Variants in SOAT1 observed in about 807,000 individuals in gnomAD.
SOAT1 encodes the protein acyl-coenzyme A:cholesterol acyltransferase 1.
Under a neutral mutation model 69.5 loss-of-function variants are expected in SOAT1, and 55 were observed. The ratio of observed to expected loss-of-function variants is 0.79; its 90% CI spans 0.64 to 0.99. SOAT1 has a LOEUF of 0.99. SOAT1 is among the 50% of genes least tolerant of loss of function. SOAT1 has a pLI of 0.00. For missense variants in SOAT1, 580 were observed against 669.3 expected (o/e 0.87, Z 1.47); for synonymous variants, 231 against 224.7 (o/e 1.03, Z -0.25).
chr1:179,302,091 A>G (rs759504186), intron 1 of SOAT1, among the ~76,000 whole-genome samples: 7 of 147,390 alleles, frequency 4.7e-5, no homozygotes, highest in South Asian at 2.1e-4. Context: ...AGTGGGGTCT[A>G]TGTTTAAAAA....
At chr1:179,317,641 G>GTTT (rs34050254) in intron 2 of SOAT1, among the ~76,000 whole-genome samples, 1 of 142,848 alleles carries the variant, frequency 7.0e-6, no homozygotes, top group Non-Finnish European at 1.5e-5. Context: ...ATCATCATAG[G>GTTT]TTTTTTTTTT....
chr1:179,308,281 G>A (rs1423075163), intron 2 of SOAT1, among the ~76,000 whole-genome samples: 1 of 152,122 alleles, frequency 6.6e-6, no homozygotes, highest in Non-Finnish European at 1.5e-5. Flanking sequence ...GTGGTAATAA[G>A]GCAGATTATC....
rs960774514 is a variant in SOAT1 at position 179,301,400 on chromosome 1, C to T, written c.-8-1277C>T. Among the ~76,000 whole-genome samples the T allele has an allele frequency of 2.6e-5, 4 of 152,328 alleles. No individual in the cohort carries two copies. The East Asian group carries it at 7.7e-4, about 29-fold the overall frequency. The stretch of plus-strand genomic sequence containing the variant: ...TCCTTTCTAGTCTTTTCCCTCATCA[C>T]ATTTCTCCATTACCAACTATTTTCC... On this transcript the variant is annotated intron_variant, in intron 1 of 15. Transcript: ENST00000367619.
rs1011222616 is a variant in SOAT1, at chr1:179,343,687, A to G, written c.987+52A>G. 13 of 1,247,250 alleles carry G rather than the reference A, an allele frequency of 1.0e-5. No homozygotes were observed. In the African/African-American group the frequency reaches 1.8e-4, roughly 17 times the overall value. 77.3% of individuals were successfully genotyped at this position (1,247,250 alleles called of 1,614,324 possible). ...TGTTGATTAGGGGATGGGGATTCATATTTATGATAATAATATAATCTAGTT... is the reference window on the plus strand; with the variant it reads ...TGTTGATTAGGGGATGGGGATTCATGTTTATGATAATAATATAATCTAGTT... On this transcript the variant is annotated intron_variant, in intron 10 of 15. Transcript: ENST00000367619.
At chr1:179,323,336 A>C (rs1326791395) in intron 2 of SOAT1, 101 bp from the exon 3 acceptor site, 3 of 929,206 alleles carry the variant, frequency 3.2e-6, no homozygotes, top group Admixed American at 5.0e-5. Flanking sequence ...CAGTTTACGC[A>C]GTTACCTTTG....
Position 179,341,097 on chromosome 1 carries a change from G to T in SOAT1, c.567G>T (p.Trp189Cys), listed in dbSNP as rs771476003. The change falls in exon 7 of 16, where the codon TGG (tryptophan) becomes TGT (cysteine). Residue 189 changes from tryptophan to cysteine, a missense_variant. Coordinates refer to ENST00000367619, the MANE Select transcript of SOAT1 (RefSeq NM_003101.6). ...GKFPTVVWTW[W>C]IMFLSTFSVP... is the part of the protein sequence containing the mutation. The stretch of plus-strand genomic sequence containing the variant: ...TTCCTACCGTTGTTTGGACCTGGTG[G>T]ATCATGTTCCTGTCTACATTTTCAG... The T allele has an allele frequency of 2.0e-5, 32 of 1,614,020 alleles. No individual in the cohort carries two copies. The South Asian group carries it at 3.5e-4, about 18-fold the overall frequency.
rs992172817 is a variant in SOAT1 at position 179,343,501 on chromosome 1, G to T, written c.942-89G>T. The T allele has an allele frequency of 4.3e-6, 5 of 1,164,262 alleles. No individual in the cohort carries two copies. In the African/African-American group the frequency reaches 6.2e-5, roughly 14 times the overall value. The allele number at this position is 1,164,262 out of a possible 1,614,324, so 72.1% of individuals were successfully genotyped here. ...TTGGATTACAGGTGTGAGCCACCGCGCCTGACCAAAAAACATTAATTGTGA... is the reference window on the plus strand; with the variant it reads ...TTGGATTACAGGTGTGAGCCACCGCTCCTGACCAAAAAACATTAATTGTGA... On this transcript the variant is annotated intron_variant, in intron 9 of 15. Transcript: ENST00000367619.
At position 179,356,699 on chromosome 1, in the gene SOAT1, T is replaced by C. The variant is rs1347755311; in HGVS notation, c.*3058T>C. 4 of 151,924 alleles carry C rather than the reference T, an allele frequency of 2.6e-5. No homozygotes were observed. The highest frequency in any genetic ancestry group is 5.9e-5 in the Non-Finnish European group (4 of 68,044). 9.4% of individuals were successfully genotyped at this position (151,924 alleles called of 1,614,324 possible). ...TTTTAATGGAAGATAGCTCATACTT[T>C]GTTTTTGTTTTTAAAGAGACAGGGT... On this transcript the variant is annotated 3_prime_UTR_variant, in exon 16 of 16. Transcript: ENST00000367619.
rs1491311101 is a variant in SOAT1 at position 179,348,760 on chromosome 1, A to AAGTGTGTGTG, written c.1216-84_1216-83insAGTGTGTGTG. ...TCAGGGGGGTTTGCTTTCGGGTGGG[A>AAGTGTGTGTG]TGTGTGTGTGTGTGTGTGTGTGTGT... On this transcript the variant is annotated intron_variant, in intron 12 of 15. Coordinates refer to ENST00000367619, the MANE Select transcript of SOAT1 (RefSeq NM_003101.6). The AAGTGTGTGTG allele has an allele frequency of 3.0e-5, 18 of 593,798 alleles. No individual in the cohort carries two copies. In the African/African-American group the frequency reaches 3.5e-4, roughly 12 times the overall value. The allele number at this position is 593,798 out of a possible 1,614,324, so 36.8% of individuals were successfully genotyped here. A position where few individuals can be genotyped will look rare whatever the true frequency, so the allele number is the denominator to read the frequency against.
intron 1 of SOAT1, chr1:179,294,479 A>G (rs1664561050): frequency 6.6e-6 from 1 of 152,354 alleles, no homozygotes. Flanking sequence ...TTTCTAAGTG[A>G]GAAACAACTA....
chr1:179,352,509 G>C (rs980052008), intron 15 of SOAT1, among the ~76,000 whole-genome samples: 2 of 130,468 alleles, frequency 1.5e-5, no homozygotes, highest in Non-Finnish European at 3.3e-5. Context: ...GGGTTTCTTA[G>C]AACACCCCAA....
chr1:179,332,744 A>G (rs1044975707), intron 3 of SOAT1, among the ~76,000 whole-genome samples: 1 of 152,226 alleles, frequency 6.6e-6, no homozygotes, highest in Non-Finnish European at 1.5e-5. Context: ...TAGTGATCAC[A>G]TACTGAGTTC....
Position 179,342,858 on chromosome 1 carries a change from C to T in SOAT1, c.860-4C>T, listed in dbSNP as rs1421681642. 2 of 1,609,204 alleles carry T rather than the reference C, an allele frequency of 1.2e-6. No individual in the cohort carries two copies. Among genetic ancestry groups the T allele is most frequent in the African/African-American group, 1.3e-5 (1 of 74,838 alleles). ...TTGCTCTAACTATAGTTTTCCTTTT[C>T]TAGGCACTGTTCCAATACCTACAGT... is the stretch of plus-strand genomic sequence containing the variant. On this transcript the variant is annotated splice_region_variant and splice_polypyrimidine_tract_variant and intron_variant, in intron 8 of 15. Coordinates refer to ENST00000367619, the MANE Select transcript of SOAT1 (RefSeq NM_003101.6).
intron 2 of SOAT1, among the ~76,000 whole-genome samples, chr1:179,317,637 A>T (rs1017706764): frequency 1.4e-5 from 2 of 139,772 alleles, no homozygotes; most frequent in African/African-American, 5.0e-5. Context: ...GTTCATCATC[A>T]TAGGTTTTTT....
At chr1:179,332,812 C>CTA (rs1186107647) in intron 3 of SOAT1, among the ~76,000 whole-genome samples, 1 of 152,144 alleles carries the variant, frequency 6.6e-6, no homozygotes, top group African/African-American at 2.4e-5. Flanking sequence ...GTTTCTTGTA[C>CTA]TATATTTCTT....
At chr1:179,343,036 C>T in intron 9 of SOAT1, 93 bp downstream of exon 9, 1 of 922,910 alleles carries the variant, frequency 1.1e-6, no homozygotes, top group South Asian at 1.4e-5. Context: ...CATGTAGGGA[C>T]ATAGAAAATA....
intron 2 of SOAT1, among the ~76,000 whole-genome samples, chr1:179,319,778 G>T (rs1380082590): frequency 1.3e-5 from 2 of 151,986 alleles, no homozygotes; most frequent in Non-Finnish European, 2.9e-5. Flanking sequence ...CCCACGCCCA[G>T]CTAACTTTTG....
chr1:179,313,888 A>T (rs1353811604), intron 2 of SOAT1, among the ~76,000 whole-genome samples: 1 of 152,176 alleles, frequency 6.6e-6, no homozygotes, highest in Non-Finnish European at 1.5e-5. Flanking sequence ...CTGGCCACAC[A>T]TTGTATGTTT....
At chr1:179,326,327 T>A (rs996789495) in intron 3 of SOAT1, among the ~76,000 whole-genome samples, 1 of 152,202 alleles carries the variant, frequency 6.6e-6, no homozygotes, top group African/African-American at 2.4e-5. Context: ...TTCTGAACAT[T>A]GCAGTTGAAA....
Sources: allele counts gnomAD v4.1 joint callset (sites outside exome capture counted in the v4.1 genomes callset), GRCh38; gene constraint gnomAD v4.1.1; transcripts MANE v1.5; gene names NCBI Gene and HGNC (gene_info 2026-07-23, HGNC 2026-07-21).